The following KIAA1328 variants were observed in gnomAD, a reference collection of about 807,000 sequenced individuals.
The protein encoded by KIAA1328 is KIAA1328.
Under a neutral mutation model 68.1 loss-of-function variants are expected in KIAA1328, and 52 were observed. The ratio of observed to expected loss-of-function variants is 0.76; its 90% CI spans 0.61 to 0.96. The LOEUF (loss-of-function observed/expected upper bound fraction) is 0.96. Among genes scored for constraint, KIAA1328 ranks in the 40% least tolerant of loss-of-function variants. KIAA1328 has a pLI of 0.00. For missense variants in KIAA1328, 641 were observed against 677.6 expected (o/e 0.95, Z 0.60); for synonymous variants, 232 against 239.4 (o/e 0.97, Z 0.28).
At chr18:36,875,292 T>C (rs146033701) in intron 4 of KIAA1328, among the ~76,000 whole-genome samples, 14 of 150,966 alleles carry the variant, frequency 9.3e-5, no homozygotes, top group Middle Eastern at 3.4e-3. Flanking sequence ...ATTGATTCTA[T>C]CTTTGAGCAT....
chr18:36,853,377 TCA>T (rs1157776463), intron 4 of KIAA1328, among the ~76,000 whole-genome samples: 1 of 152,242 alleles, frequency 6.6e-6, no homozygotes, highest in Non-Finnish European at 1.5e-5. Flanking sequence ...TATTTGTTCC[TCA>T]GTTACCCCAA....
chr18:37,136,011 G>A (rs970258056), intron 7 of KIAA1328, among the ~76,000 whole-genome samples: 8 of 152,216 alleles, frequency 5.3e-5, no homozygotes, highest in East Asian at 1.9e-4. Flanking sequence ...ATTGGTCTAT[G>A]TGTCTGTTTT....
At chr18:36,859,901 T>C (rs558995451) in intron 4 of KIAA1328, among the ~76,000 whole-genome samples, 2 of 151,314 alleles carry the variant, frequency 1.3e-5, no homozygotes, top group Non-Finnish European at 1.5e-5. Flanking sequence ...ATAATAGATA[T>C]GTAACTCATT....
chr18:37,012,342 C>T (rs1235887741), intron 6 of KIAA1328, among the ~76,000 whole-genome samples: 2 of 152,180 alleles, frequency 1.3e-5, no homozygotes, highest in African/African-American at 4.8e-5. Context: ...GTTTCTGCTG[C>T]TTCCACAACT....
At chr18:36,920,040 T>C (rs1327314868) in intron 5 of KIAA1328, among the ~76,000 whole-genome samples, 1 of 152,148 alleles carries the variant, frequency 6.6e-6, no homozygotes. Context: ...ACTCTGTTGA[T>C]AGTTTCTTTT....
intron 7 of KIAA1328, among the ~76,000 whole-genome samples, chr18:37,137,524 T>C (rs1319320191): frequency 6.6e-6 from 1 of 152,214 alleles, no homozygotes; most frequent in Non-Finnish European, 1.5e-5. Context: ...GTCACTAGTA[T>C]CCTGCTAATT....
intron 5 of KIAA1328, among the ~76,000 whole-genome samples, chr18:36,936,882 A>G (rs1339855677): frequency 6.6e-6 from 1 of 152,140 alleles, no homozygotes; most frequent in Non-Finnish European, 1.5e-5. Context: ...GAATCAAAGA[A>G]GACACTGTAT....
At chr18:36,943,485 A>G (rs534109623) in intron 5 of KIAA1328, among the ~76,000 whole-genome samples, 32 of 152,352 alleles carry the variant, frequency 2.1e-4, no homozygotes, top group Non-Finnish European at 3.2e-4. Context: ...GATAATGTTA[A>G]GTCCAGTAGT....
intron 6 of KIAA1328, among the ~76,000 whole-genome samples, chr18:36,960,894 A>C (rs1226196128): frequency 6.6e-6 from 1 of 152,246 alleles, no homozygotes; most frequent in Non-Finnish European, 1.5e-5. Context: ...TCTAAAAACC[A>C]GAGCTCCTCT....
chr18:36,994,934 C>CA (rs1397651782), intron 6 of KIAA1328, among the ~76,000 whole-genome samples: 2 of 115,162 alleles, frequency 1.7e-5, no homozygotes, highest in Non-Finnish European at 3.9e-5. Flanking sequence ...CCAATTCATT[C>CA]ACCCACTATT....
intron 5 of KIAA1328, among the ~76,000 whole-genome samples, chr18:36,888,928 G>A (rs2048589494): frequency 6.6e-6 from 1 of 152,060 alleles, no homozygotes; most frequent in Non-Finnish European, 1.5e-5. Flanking sequence ...CATTAATTCT[G>A]ATTTTTGGCA....
At chr18:37,037,351 G>T (rs941594125) in intron 6 of KIAA1328, among the ~76,000 whole-genome samples, 1 of 151,932 alleles carries the variant, frequency 6.6e-6, no homozygotes, top group Non-Finnish European at 1.5e-5. Context: ...AGGCCATAAG[G>T]GTTCATTTAG....
chr18:36,948,800 C>T (rs1215282705), intron 5 of KIAA1328, among the ~76,000 whole-genome samples: 2 of 152,198 alleles, frequency 1.3e-5, no homozygotes, highest in African/African-American at 2.4e-5. Context: ...CCGCCCGCCT[C>T]GGCCTCCCAG....
intron 3 of KIAA1328, among the ~76,000 whole-genome samples, chr18:36,837,290 TG>T (rs2046710496): frequency 6.6e-6 from 1 of 152,170 alleles, no homozygotes; most frequent in Admixed American, 6.5e-5. Flanking sequence ...GCCACCCTAG[TG>T]GGTGTGAAGT....
At position 37,165,586 on chromosome 18, in the gene KIAA1328, A is replaced by AT. The variant is rs767099970; in HGVS notation, c.1414+5227dup. On this transcript the variant is annotated intron_variant, in intron 8 of 9. Transcript: ENST00000280020. ...AGGTGTGTGCCACCACACCCGGCTA[A>AT]TTTTTTTTTTTTTTTTTTTTTTAGA... Among the ~76,000 whole-genome samples the AT allele has an allele frequency of 4.1e-3, 518 of 125,994 alleles. 5 individuals carry two copies. Among genetic ancestry groups the AT allele is most frequent in the Admixed American group, 5.7e-3 (71 of 12,386 alleles). 82.7% of individuals were successfully genotyped at this position (125,994 alleles called of 152,430 possible). A position where few individuals can be genotyped will look rare whatever the true frequency, so the allele number is the denominator to read the frequency against.
At chr18:36,981,694 C>T (rs1243203079) in intron 6 of KIAA1328, among the ~76,000 whole-genome samples, 1 of 151,796 alleles carries the variant, frequency 6.6e-6, no homozygotes, top group Non-Finnish European at 1.5e-5. Flanking sequence ...TCAAAGGATT[C>T]TTCTGTCTCA....
chr18:37,110,576 T>C (rs1259247819), intron 7 of KIAA1328, among the ~76,000 whole-genome samples: 2 of 152,326 alleles, frequency 1.3e-5, no homozygotes, highest in African/African-American at 4.8e-5. Flanking sequence ...TGCATTGAAA[T>C]AGTTTCTTTA....
At chr18:37,020,566 C>T (rs2054309764) in intron 6 of KIAA1328, among the ~76,000 whole-genome samples, 1 of 152,136 alleles carries the variant, frequency 6.6e-6, no homozygotes, top group South Asian at 2.1e-4. Context: ...GAATGGTAAA[C>T]AGTATGTAAG....
At chr18:37,096,799 T>G (rs2057423144) in intron 7 of KIAA1328, among the ~76,000 whole-genome samples, 1 of 152,252 alleles carries the variant, frequency 6.6e-6, no homozygotes, top group Non-Finnish European at 1.5e-5. Flanking sequence ...CATTGTGGTT[T>G]TGATTTGCAT....
Sources: allele counts gnomAD v4.1 joint callset (sites outside exome capture counted in the v4.1 genomes callset), GRCh38; gene constraint gnomAD v4.1.1; transcripts MANE v1.5; gene names NCBI Gene and HGNC (gene_info 2026-07-23, HGNC 2026-07-21).